TRPC3: variants seen among roughly 807,000 people sequenced by gnomAD.
TRPC3 encodes the protein transient receptor potential cation channel subfamily C member 3, also known as short transient receptor potential channel 3.
In TRPC3, 54 loss-of-function variants were observed where a neutral mutation model predicts 90.9. That is an observed-to-expected ratio of 0.59 (90% CI 0.48 to 0.75). TRPC3 has a LOEUF of 0.75. Among genes scored for constraint, TRPC3 ranks in the 30% least tolerant of loss-of-function variants. The pLI is 0.00. For synonymous variants in TRPC3, 424 were observed against 450.9 expected (o/e 0.94, Z 0.75); for missense variants, 918 against 1,194.5 (o/e 0.77, Z 3.41).
intron 9 of TRPC3, among the ~76,000 whole-genome samples, chr4:121,901,343 C>T (rs1048953745): frequency 1.4e-4 from 22 of 152,156 alleles, no homozygotes; most frequent in Admixed American, 2.6e-4. Flanking sequence ...AGGTACACCT[C>T]GCTGAGAGGA....
chr4:121,883,764 T>A (rs1578593957), intron 10 of TRPC3, among the ~76,000 whole-genome samples: 1 of 152,090 alleles, frequency 6.6e-6, no homozygotes, highest in East Asian at 1.9e-4. Context: ...AGAGGTGGAG[T>A]CTCACTATAT....
At chr4:121,933,230 G>T in intron 1 of TRPC3, 188 bp from the exon 2 acceptor site, 1 of 1,233,250 alleles carries the variant, frequency 8.1e-7, no homozygotes. Context: ...AACCCTGGCT[G>T]CTAGATCCCA....
chr4:121,931,752 T>G (rs1729938288), intron 2 of TRPC3, among the ~76,000 whole-genome samples: 1 of 152,210 alleles, frequency 6.6e-6, no homozygotes, highest in African/African-American at 2.4e-5. Context: ...CACAAATGCT[T>G]GGGCCAATGA....
At chr4:121,945,736 C>A (rs1203756531) in intron 1 of TRPC3, among the ~76,000 whole-genome samples, 1 of 152,194 alleles carries the variant, frequency 6.6e-6, no homozygotes, top group Non-Finnish European at 1.5e-5. Flanking sequence ...GATATGGAAT[C>A]TCTGGAGATA....
chr4:121,927,375 C>T (rs1479465580), intron 2 of TRPC3, among the ~76,000 whole-genome samples: 1 of 152,098 alleles, frequency 6.6e-6, no homozygotes, highest in Non-Finnish European at 1.5e-5. Context: ...TTGGAGACTC[C>T]AGTTCTACTT....
intron 3 of TRPC3, among the ~76,000 whole-genome samples, chr4:121,920,247 C>T (rs576751301): frequency 1.8e-4 from 27 of 152,190 alleles, no homozygotes; most frequent in Non-Finnish European, 3.1e-4. Flanking sequence ...TTAGGCTGGA[C>T]GCAGTGGCTC....
Position 121,951,891 on chromosome 4 carries a change from A to C in TRPC3, c.-211T>G. ...CGAAGCCGAGCTGCCGCCGCCCACCATCAAACCGTGGGAGCAGCTGCCGCG... is the reference window on the plus strand; with the variant it reads ...CGAAGCCGAGCTGCCGCCGCCCACCCTCAAACCGTGGGAGCAGCTGCCGCG... On this transcript the variant is annotated 5_prime_UTR_variant, in exon 1 of 12. An upstream start codon of the reference 5' UTR is lost. Transcript: ENST00000379645. The surrounding 1 kb of genome is among the most constrained non-coding windows in gnomAD (Gnocchi z 4.4). The C allele has an allele frequency of 2.0e-5, 7 of 344,454 alleles. No homozygotes were observed. The highest frequency in any genetic ancestry group is 4.5e-5 in the East Asian group (1 of 22,430). The allele number at this position is 344,454 out of a possible 1,614,324, so 21.3% of individuals were successfully genotyped here. A position where few individuals can be genotyped will look rare whatever the true frequency, so the allele number is the denominator to read the frequency against.
intron 10 of TRPC3, among the ~76,000 whole-genome samples, chr4:121,883,689 C>T (rs751753495): frequency 6.6e-6 from 1 of 152,112 alleles, no homozygotes; most frequent in Non-Finnish European, 1.5e-5. Flanking sequence ...AGACTGCAGA[C>T]AACTTTGAAG....
At chr4:121,903,169 T>C (rs1728762472) in intron 8 of TRPC3, 108 bp from the exon 9 acceptor site, 1 of 888,104 alleles carries the variant, frequency 1.1e-6, no homozygotes, top group Non-Finnish European at 1.7e-6. Flanking sequence ...TTGAAATAGG[T>C]AACTTATACA....
At chr4:121,907,939 T>C (rs1487243998) in intron 6 of TRPC3, among the ~76,000 whole-genome samples, 21 of 152,152 alleles carry the variant, frequency 1.4e-4, no homozygotes, top group Admixed American at 1.4e-3. Flanking sequence ...ACCAGTTATT[T>C]TGTCATCCTA....
chr4:121,942,513 G>A (rs1209792011), intron 1 of TRPC3, among the ~76,000 whole-genome samples: 1 of 152,220 alleles, frequency 6.6e-6, no homozygotes, highest in Non-Finnish European at 1.5e-5. Flanking sequence ...AAGTTGCAGT[G>A]AGCCAAGATT....
intron 10 of TRPC3, among the ~76,000 whole-genome samples, chr4:121,897,729 T>C (rs1212395286): frequency 1.3e-5 from 2 of 152,072 alleles, no homozygotes; most frequent in Non-Finnish European, 1.5e-5. Context: ...ACAACCATTA[T>C]GTAGAACAGT....
chr4:121,912,110 AG>A lies in TRPC3; in HGVS notation c.1342-18del. ...TTTCCCCAGCTGTAACAAACCAAAG[AG>A]GAAAAGTTTGCTTCAGAAAATCTGG... On this transcript the variant is annotated intron_variant, in intron 4 of 11. Transcript: ENST00000379645. The A allele has an allele frequency of 1.1e-5, 18 of 1,609,554 alleles. No homozygotes were observed. The highest frequency in any genetic ancestry group is 1.5e-5 in the Non-Finnish European group (18 of 1,177,420).
rs572929241 is a variant in TRPC3, at chr4:121,901,115, T to C, written c.2464-1420A>G. Among the ~76,000 whole-genome samples, 4 of 152,344 alleles carry C rather than the reference T, an allele frequency of 2.6e-5. No homozygotes were observed. In the East Asian group the frequency reaches 7.7e-4, roughly 29 times the overall value. On this transcript the variant is annotated intron_variant, in intron 9 of 11. Coordinates refer to ENST00000379645, the MANE Select transcript of TRPC3 (RefSeq NM_001130698.2). ...CAGGAATGAAGTCAGTGAGACCTGT[T>C]GCCTACAGAAAGAAAACTCAAGGTG...
chr4:121,876,406 G>A lies in TRPC3; in HGVS notation c.*3330C>T, dbSNP rs1727764462. Among the ~76,000 whole-genome samples, 1 of 152,146 alleles carries A rather than the reference G, an allele frequency of 6.6e-6. No individual in the cohort carries two copies. The highest frequency in any genetic ancestry group is 6.5e-5 in the Admixed American group (1 of 15,276). On this transcript the variant is annotated 3_prime_UTR_variant, in exon 12 of 12. Coordinates refer to ENST00000379645, the MANE Select transcript of TRPC3 (RefSeq NM_001130698.2). ...TGAGCTCCAGGGACTAGGAACCCCTGATGTAGCATAACCCTGTTTGCCTGA... is the reference window on the plus strand; with the variant it reads ...TGAGCTCCAGGGACTAGGAACCCCTAATGTAGCATAACCCTGTTTGCCTGA...
At chr4:121,910,117 C>G in intron 6 of TRPC3, 37 bp downstream of exon 6, 1 of 1,577,486 alleles carries the variant, frequency 6.3e-7, no homozygotes, top group East Asian at 2.2e-5. Context: ...CAATACCTTT[C>G]CCAAAACACA....
intron 10 of TRPC3, among the ~76,000 whole-genome samples, chr4:121,890,398 G>A (rs370191526): frequency 3.3e-5 from 5 of 152,072 alleles, no homozygotes; most frequent in Non-Finnish European, 4.4e-5. Flanking sequence ...CTTACACAAC[G>A]TATACATGTA....
At chr4:121,894,549 C>T (rs1162850209) in intron 10 of TRPC3, among the ~76,000 whole-genome samples, 2 of 124,328 alleles carry the variant, frequency 1.6e-5, no homozygotes, top group East Asian at 2.5e-4. Flanking sequence ...GGAAAGTACA[C>T]ATTCTGTTTT....
chr4:121,935,464 C>T (rs148152401), intron 1 of TRPC3, among the ~76,000 whole-genome samples: 2 of 149,912 alleles, frequency 1.3e-5, no homozygotes, highest in Non-Finnish European at 1.5e-5. Flanking sequence ...ATAATAATGA[C>T]TTTTAGGTGG....
Sources: allele counts gnomAD v4.1 joint callset (sites outside exome capture counted in the v4.1 genomes callset), GRCh38; gene constraint gnomAD v4.1.1; non-coding constraint Gnocchi (gnomAD v3.1); transcripts MANE v1.5; gene names NCBI Gene and HGNC (gene_info 2026-07-23, HGNC 2026-07-21).